BCAS3: variants seen among roughly 807,000 people sequenced by gnomAD.
BCAS3 encodes BCAS4/BCAS3 fusion.
A neutral mutation model predicts 116.1 loss-of-function variants in BCAS3; 53 were observed. The ratio of observed to expected loss-of-function variants is 0.46; its 90% CI spans 0.37 to 0.57. The LOEUF (loss-of-function observed/expected upper bound fraction) is 0.57, where lower values mean the gene tolerates loss of function less well. Among genes scored for constraint, BCAS3 ranks in the 20% least tolerant of loss-of-function variants. The pLI is 0.00. For missense variants in BCAS3, 917 were observed against 1,165.4 expected, an observed-to-expected ratio of 0.79 and a Z score of 3.10; for synonymous variants, 391 against 408.2, an observed-to-expected ratio of 0.96 and a Z score of 0.51.
chr17:60,918,373 G>A (rs953722437), intron 12 of BCAS3, among the ~76,000 whole-genome samples: 9 of 152,090 alleles, frequency 5.9e-5, no homozygotes, highest in African/African-American at 9.7e-5. Flanking sequence ...TGCATAGAAC[G>A]TCTAATCATC....
chr17:60,789,835 A>G (rs910054984), intron 6 of BCAS3, among the ~76,000 whole-genome samples: 3 of 152,184 alleles, frequency 2.0e-5, no homozygotes, highest in Non-Finnish European at 4.4e-5. Flanking sequence ...AATAGCTACA[A>G]TGTTCATGAG....
chr17:61,197,548 G>A (rs979146064), intron 22 of BCAS3, among the ~76,000 whole-genome samples: 6 of 152,098 alleles, frequency 3.9e-5, no homozygotes, highest in Non-Finnish European at 8.8e-5. Flanking sequence ...AGCCTTACTC[G>A]TGGAATGTCA....
chr17:61,091,503 T>G (rs1053172176), intron 22 of BCAS3, among the ~76,000 whole-genome samples: 1 of 152,200 alleles, frequency 6.6e-6, no homozygotes, highest in Non-Finnish European at 1.5e-5. Context: ...TATTTTAAAC[T>G]GTCTGCAAGA....
At chr17:60,730,051 A>G (rs967994766) in intron 5 of BCAS3, among the ~76,000 whole-genome samples, 4 of 152,222 alleles carry the variant, frequency 2.6e-5, no homozygotes, top group East Asian at 1.9e-4. Context: ...GGCGGCTTCA[A>G]AGGACTGGAA....
chr17:61,357,787 C>A (rs998121630), intron 22 of BCAS3, among the ~76,000 whole-genome samples: 1 of 149,132 alleles, frequency 6.7e-6, no homozygotes, highest in Admixed American at 6.7e-5. Flanking sequence ...ATATAAAATA[C>A]AAAAAAATAA....
Position 60,972,678 on chromosome 17 carries a change from A to G in BCAS3, c.1222-17293A>G, listed in dbSNP as rs1363907704. 1.1e-4 allele frequency among the ~76,000 whole-genome samples: 17 copies of G among 151,942 alleles called. 1 individual carries two copies. The East Asian group carries it at 3.3e-3, about 29-fold the overall frequency. ...TGTTGCCCAGGCTGGTCTTGAATCC[A>G]TGGCCTCAAGAGATCCTCCCACTTT... is the stretch of plus-strand genomic sequence containing the variant. On this transcript the variant is annotated intron_variant, in intron 14 of 23. Transcript: ENST00000407086.
At chr17:61,138,439 G>A (rs1031423308) in intron 22 of BCAS3, among the ~76,000 whole-genome samples, 2 of 152,170 alleles carry the variant, frequency 1.3e-5, no homozygotes, top group African/African-American at 4.8e-5. Flanking sequence ...AGAGATTACT[G>A]TTGTACCTTG....
chr17:60,988,338 CTTT>C (rs71148317), intron 14 of BCAS3, among the ~76,000 whole-genome samples: 8 of 66,762 alleles, frequency 1.2e-4, no homozygotes, highest in South Asian at 1.7e-3. Context: ...TTTTCTTTTT[CTTT>C]TTTTTTTTTT....
chr17:61,235,054 AG>A lies in BCAS3; in HGVS notation c.2426-133272del, dbSNP rs1247596282. Among the ~76,000 whole-genome samples the A allele has an allele frequency of 1.3e-5, 2 of 151,984 alleles. No individual in the cohort carries two copies. The highest frequency in any genetic ancestry group is 4.8e-5 in the African/African-American group (2 of 41,388). On this transcript the variant is annotated intron_variant, in intron 22 of 23. Transcript: ENST00000407086. The surrounding 1 kb of genome is among the most constrained non-coding windows in gnomAD (Gnocchi z 5.0). Reference sequence around the variant, plus strand: ...AGGCGCACGCCACCACTCCTGGCTAAGTTTTGTATTTTAGTAGAGACAGGGT... The same window carrying A: ...AGGCGCACGCCACCACTCCTGGCTAATTTTGTATTTTAGTAGAGACAGGGT...
intron 7 of BCAS3, among the ~76,000 whole-genome samples, chr17:60,819,346 T>A (rs1473438035): frequency 6.6e-6 from 1 of 152,210 alleles, no homozygotes; most frequent in African/African-American, 2.4e-5. Flanking sequence ...AATACACATA[T>A]TACATTGTAA....
chr17:61,337,545 G>A lies in BCAS3; in HGVS notation c.2426-30782G>A, dbSNP rs2056820752. Among the ~76,000 whole-genome samples, 1 of 152,200 alleles carries A rather than the reference G, an allele frequency of 6.6e-6. No homozygotes were observed. The highest frequency in any genetic ancestry group is 6.5e-5 in the Admixed American group (1 of 15,278). On this transcript the variant is annotated intron_variant, in intron 22 of 23. Transcript: ENST00000407086. The surrounding 1 kb of genome is among the most constrained non-coding windows in gnomAD (Gnocchi z 4.8). ...CCAGGGATCCTCCTGCCAAGATCCT[G>A]CCAGGCTTCCCTCGCCTTTGATTTG...
At chr17:60,724,916 A>G (rs1012300467) in intron 5 of BCAS3, among the ~76,000 whole-genome samples, 1 of 151,844 alleles carries the variant, frequency 6.6e-6, no homozygotes, top group African/African-American at 2.4e-5. Flanking sequence ...CAGTGGTGCC[A>G]TTATAGCTCA....
At chr17:61,067,719 AAACAAAC>A (rs1461718304) in intron 19 of BCAS3, among the ~76,000 whole-genome samples, 13 of 133,058 alleles carry the variant, frequency 9.8e-5, no homozygotes, top group African/African-American at 3.2e-4. Flanking sequence ...CATCTCAAAC[AAACAAAC>A]AAAAAAAAAA....
intron 19 of BCAS3, among the ~76,000 whole-genome samples, chr17:61,072,268 T>C (rs1455209715): frequency 6.6e-6 from 1 of 152,190 alleles, no homozygotes; most frequent in Non-Finnish European, 1.5e-5. Flanking sequence ...AATAGTATAG[T>C]GAGCCTCCAT....
At chr17:61,030,593 C>CA (rs1182120645) in intron 16 of BCAS3, among the ~76,000 whole-genome samples, 5 of 152,008 alleles carry the variant, frequency 3.3e-5, no homozygotes, top group African/African-American at 4.8e-5. Flanking sequence ...TATGGTTAGA[C>CA]AGTTAAGCGT....
intron 22 of BCAS3, among the ~76,000 whole-genome samples, chr17:61,358,136 A>C (rs9907597): frequency 0.54 from 81,406 of 151,814 alleles, 24,935 homozygotes; most frequent in Non-Finnish European, 0.7. Context: ...ATAAAGTAAC[A>C]GAAGAGTCCC....
At chr17:61,193,332 C>T (rs2144239354) in intron 22 of BCAS3, among the ~76,000 whole-genome samples, 1 of 152,154 alleles carries the variant, frequency 6.6e-6, no homozygotes, top group East Asian at 1.9e-4. Flanking sequence ...AGCTTCCAAA[C>T]ATATAGAGAA....
intron 10 of BCAS3, among the ~76,000 whole-genome samples, chr17:60,892,647 A>G (rs2057247115): frequency 6.8e-6 from 1 of 147,026 alleles, no homozygotes; most frequent in African/African-American, 2.5e-5. Context: ...TCGGCCCGGC[A>G]TGGTGGCTCA....
At position 60,700,765 on chromosome 17, in the gene BCAS3, G is replaced by T. The variant is rs554695030; in HGVS notation, c.215-8454G>T. Among the ~76,000 whole-genome samples the T allele has an allele frequency of 2.6e-5, 4 of 152,146 alleles. No individual in the cohort carries two copies. In the South Asian group the frequency reaches 8.3e-4, roughly 31 times the overall value. On this transcript the variant is annotated intron_variant, in intron 4 of 23. Transcript: ENST00000407086. ...GGTGACCATTGGTTCTAGTTGCTGC[G>T]CAGTCTAAAAAGATGTGCTTGAAAA...
Sources: allele counts gnomAD v4.1 joint callset (sites outside exome capture counted in the v4.1 genomes callset), GRCh38; gene constraint gnomAD v4.1.1; non-coding constraint Gnocchi (gnomAD v3.1); transcripts MANE v1.5; gene names NCBI Gene and HGNC (gene_info 2026-07-23, HGNC 2026-07-21).